RARB: variants seen among roughly 807,000 people sequenced by gnomAD.
RARB encodes HBV-activated protein.
In RARB, 17 loss-of-function variants were observed where a neutral mutation model predicts 51.9. The ratio of observed to expected loss-of-function variants is 0.33; its 90% CI spans 0.22 to 0.49. RARB has a LOEUF of 0.49. RARB is among the 20% of genes least tolerant of loss of function. The pLI is 0.99. For missense variants in RARB, 369 were observed against 550.8 expected (o/e 0.67, Z 3.30); for synonymous variants, 215 against 195.4 (o/e 1.10, Z -0.84).
intron 5 of RARB, among the ~76,000 whole-genome samples, chr3:25,174,961 T>G (rs1410828421): frequency 6.6e-6 from 1 of 152,206 alleles, no homozygotes; most frequent in East Asian, 1.9e-4. Flanking sequence ...AAAGCTATTT[T>G]GGTTGTGAGA....
At chr3:24,894,702 G>A (rs561566598) in intron 2 of RARB, among the ~76,000 whole-genome samples, 91 of 152,302 alleles carry the variant, frequency 6.0e-4, no homozygotes, top group African/African-American at 2.1e-3. Flanking sequence ...CTTGGCTAGC[G>A]ATGACAAAAC....
chr3:24,987,357 T>G (rs943483078), intron 2 of RARB, among the ~76,000 whole-genome samples: 5 of 152,162 alleles, frequency 3.3e-5, no homozygotes, highest in African/African-American at 1.2e-4. Flanking sequence ...GGAAAGTAGT[T>G]TAGTGACTAT....
chr3:25,292,584 A>T (rs962647336), intron 5 of RARB, among the ~76,000 whole-genome samples: 1 of 152,218 alleles, frequency 6.6e-6, no homozygotes, highest in South Asian at 2.1e-4. Context: ...GCGTTGCTCT[A>T]TGTAGCTTCA....
At chr3:24,899,179 A>G (rs576872535) in intron 2 of RARB, among the ~76,000 whole-genome samples, 5 of 152,314 alleles carry the variant, frequency 3.3e-5, no homozygotes, top group South Asian at 4.1e-4. Context: ...ACTATTAAAA[A>G]TTTCAAGATG....
chr3:25,578,096 T>TC, intron 4 of RARB, among the ~76,000 whole-genome samples: 1 of 152,326 alleles, frequency 6.6e-6, no homozygotes, highest in East Asian at 1.9e-4. Context: ...CTGTTGGTTT[T>TC]CCTCCCTGCA....
rs555549413 is a variant in RARB, at chr3:25,387,658, GAGTGTAA to G, written c.179-73530_179-73524del. Among the ~76,000 whole-genome samples the G allele has an allele frequency of 2.6e-3, 401 of 152,266 alleles. 1 individual carries two copies. Among genetic ancestry groups the G allele is most frequent in the African/African-American group, 9.4e-3 (389 of 41,558 alleles). On this transcript the variant is annotated intron_variant, in intron 5 of 11. Coordinates refer to the RARB transcript ENST00000383772. ...AAATCCACTCTCAGCAGGCCCCTGT[GAGTGTAA>G]AGTGGCTCACCATCAGGTCCTCTCC... is the stretch of plus-strand genomic sequence containing the variant.
At chr3:25,079,921 G>T (rs991959434) in intron 3 of RARB, among the ~76,000 whole-genome samples, 7 of 152,180 alleles carry the variant, frequency 4.6e-5, no homozygotes, top group Non-Finnish European at 8.8e-5. Context: ...TTTTCTGAAA[G>T]AGTGTGTATA....
At chr3:25,326,743 T>A (rs922644643) in intron 5 of RARB, among the ~76,000 whole-genome samples, 1 of 152,166 alleles carries the variant, frequency 6.6e-6, no homozygotes, top group African/African-American at 2.4e-5. Flanking sequence ...TGAACATCCT[T>A]TTATAGAAAT....
intron 5 of RARB, among the ~76,000 whole-genome samples, chr3:25,208,272 C>A (rs531137771): frequency 6.6e-6 from 1 of 152,062 alleles, no homozygotes; most frequent in African/African-American, 2.4e-5. Flanking sequence ...CGCTAAGGAT[C>A]CAAGGATTTC....
At chr3:25,199,122 C>T (rs1203982739) in intron 5 of RARB, among the ~76,000 whole-genome samples, 1 of 152,124 alleles carries the variant, frequency 6.6e-6, no homozygotes, top group South Asian at 2.1e-4. Context: ...CCATGAAAAA[C>T]AATGAGATCC....
chr3:25,470,382 A>C (rs1194297742), intron 2 of RARB, among the ~76,000 whole-genome samples: 1 of 152,238 alleles, frequency 6.6e-6, no homozygotes, highest in Non-Finnish European at 1.5e-5. Flanking sequence ...ACAGTGTGGC[A>C]TGTGCTGTGA....
intron 5 of RARB, among the ~76,000 whole-genome samples, chr3:25,302,395 G>T (rs533638775): frequency 6.6e-5 from 10 of 152,190 alleles, no homozygotes; most frequent in African/African-American, 2.4e-4. Context: ...AAACAAATGT[G>T]TTATATCCAC....
intron 5 of RARB, among the ~76,000 whole-genome samples, chr3:25,335,820 A>G (rs1295127451): frequency 6.6e-6 from 1 of 152,232 alleles, no homozygotes. Context: ...TTTGTCACCT[A>G]TGTGGCCAGG....
intron 1 of RARB, among the ~76,000 whole-genome samples, chr3:24,847,414 T>C (rs1239632434): frequency 6.6e-6 from 1 of 152,164 alleles, no homozygotes; most frequent in Non-Finnish European, 1.5e-5. Context: ...TTCAAAGTCT[T>C]AGTTTTCCAT....
At chr3:25,546,637 G>A (rs1406112133) in intron 3 of RARB, among the ~76,000 whole-genome samples, 1 of 152,000 alleles carries the variant, frequency 6.6e-6, no homozygotes, top group Non-Finnish European at 1.5e-5. Flanking sequence ...GAAAAAAAAA[G>A]AGTACCCTTT....
chr3:25,316,118 A>C lies in RARB; in HGVS notation c.178+141543A>C, dbSNP rs146917511. ...TGGCCTAAAGATTTTGTACAGATAGATGTCTATTGTCTGTATAAGCTTTTT... is the reference window on the plus strand; with the variant it reads ...TGGCCTAAAGATTTTGTACAGATAGCTGTCTATTGTCTGTATAAGCTTTTT... On this transcript the variant is annotated intron_variant, in intron 5 of 11. Transcript: ENST00000383772. Among the ~76,000 whole-genome samples the C allele has an allele frequency of 4.5e-3, 686 of 152,288 alleles. 6 individuals are homozygous for C. Among genetic ancestry groups the C allele is most frequent in the African/African-American group, 0.015 (642 of 41,556 alleles).
At chr3:25,016,499 G>A (rs1697511940) in intron 2 of RARB, among the ~76,000 whole-genome samples, 1 of 152,126 alleles carries the variant, frequency 6.6e-6, no homozygotes, top group Admixed American at 6.6e-5. Context: ...TGGTGGGAGA[G>A]GGGAATCATC....
At chr3:25,224,410 T>TA (rs886138914) in intron 5 of RARB, among the ~76,000 whole-genome samples, 15 of 152,104 alleles carry the variant, frequency 9.9e-5, no homozygotes, top group African/African-American at 3.4e-4. Flanking sequence ...AAGAGAAACA[T>TA]ACAAATAAAG....
At chr3:25,564,145 CA>C (rs1700387265) in intron 3 of RARB, among the ~76,000 whole-genome samples, 1 of 152,088 alleles carries the variant, frequency 6.6e-6, no homozygotes, top group Non-Finnish European at 1.5e-5. Flanking sequence ...CATGATTAGA[CA>C]TTCAAATAAA....
Sources: allele counts gnomAD v4.1 joint callset (sites outside exome capture counted in the v4.1 genomes callset), GRCh38; gene constraint gnomAD v4.1.1; transcripts MANE v1.5; gene names NCBI Gene and HGNC (gene_info 2026-07-23, HGNC 2026-07-21).